The following PARD3B variants were observed in gnomAD, a reference collection of about 807,000 sequenced individuals.
PARD3B encodes the protein partitioning defective 3 homolog B.
In PARD3B, 103 loss-of-function variants were observed where a neutral mutation model predicts 130.2. That is an observed-to-expected ratio of 0.79 (90% CI 0.67 to 0.93). PARD3B has a LOEUF of 0.93. Among genes scored for constraint, PARD3B ranks in the 40% least tolerant of loss-of-function variants. PARD3B has a pLI of 0.00. For synonymous variants in PARD3B, 583 were observed against 553.2 expected (o/e 1.05, Z -0.76); for missense variants, 1,609 against 1,499.2 (o/e 1.07, Z -1.21).
At chr2:204,603,994 G>A (rs1480804497) in intron 1 of PARD3B, among the ~76,000 whole-genome samples, 2 of 152,138 alleles carry the variant, frequency 1.3e-5, no homozygotes, top group Non-Finnish European at 2.9e-5. Context: ...GCACATAGTA[G>A]GTCCTACCTG....
intron 1 of PARD3B, among the ~76,000 whole-genome samples, chr2:204,574,633 C>A (rs1435627997): frequency 6.6e-6 from 1 of 152,216 alleles, no homozygotes; most frequent in East Asian, 1.9e-4. Flanking sequence ...AGGCAACTTA[C>A]AGTCACTGTG....
chr2:204,860,824 A>G (rs1297314375), intron 2 of PARD3B, among the ~76,000 whole-genome samples: 1 of 152,148 alleles, frequency 6.6e-6, no homozygotes, highest in Non-Finnish European at 1.5e-5. Flanking sequence ...TTTGTTTTTG[A>G]TAAGTTAAAA....
intron 4 of PARD3B, among the ~76,000 whole-genome samples, chr2:205,082,461 C>G (rs1397108819): frequency 6.6e-6 from 1 of 152,180 alleles, no homozygotes; most frequent in Non-Finnish European, 1.5e-5. Flanking sequence ...TGCACTTTCT[C>G]TCTCTGTCTC....
chr2:204,955,989 A>G (rs1020772741), intron 2 of PARD3B, among the ~76,000 whole-genome samples: 1 of 152,140 alleles, frequency 6.6e-6, no homozygotes, highest in African/African-American at 2.4e-5. Flanking sequence ...AGCTGGGCCA[A>G]GACCACACCC....
chr2:205,372,615 C>T (rs1482160676), intron 18 of PARD3B, among the ~76,000 whole-genome samples: 2 of 152,248 alleles, frequency 1.3e-5, no homozygotes, highest in South Asian at 4.2e-4. Context: ...AAGTTTCCTT[C>T]CTTTTCTAAT....
intron 22 of PARD3B, among the ~76,000 whole-genome samples, chr2:205,567,750 G>A (rs576953374): frequency 4.0e-5 from 6 of 151,890 alleles, no homozygotes; most frequent in Admixed American, 1.3e-4. Flanking sequence ...CCCCACCCCC[G>A]AGAAGAAGAC....
chr2:204,629,640 C>CT (rs1203025056), intron 1 of PARD3B, among the ~76,000 whole-genome samples: 1 of 152,048 alleles, frequency 6.6e-6, no homozygotes, highest in African/African-American at 2.4e-5. Context: ...AGCAACAACA[C>CT]TTGTATAATG....
intron 2 of PARD3B, among the ~76,000 whole-genome samples, chr2:204,740,455 A>G (rs1292217181): frequency 1.3e-5 from 2 of 152,242 alleles, no homozygotes; most frequent in African/African-American, 4.8e-5. Context: ...CCGCAGTAGT[A>G]TAAAACAAAA....
At chr2:205,189,736 C>T (rs1338988750) in intron 14 of PARD3B, among the ~76,000 whole-genome samples, 1 of 152,174 alleles carries the variant, frequency 6.6e-6, no homozygotes, top group Non-Finnish European at 1.5e-5. Context: ...GGCACTCACT[C>T]ATTATTCTGG....
chr2:205,240,592 A>C (rs920054586), intron 15 of PARD3B, among the ~76,000 whole-genome samples: 13 of 152,216 alleles, frequency 8.5e-5, no homozygotes, highest in African/African-American at 3.1e-4. Context: ...CATTCTAAAA[A>C]AGAATAACTG....
intron 10 of PARD3B, among the ~76,000 whole-genome samples, chr2:205,140,214 C>T (rs1575926005): frequency 1.3e-5 from 2 of 152,292 alleles, no homozygotes; most frequent in Admixed American, 1.3e-4. Context: ...CTGGCTTCCG[C>T]TGGAGCTAAT....
intron 3 of PARD3B, among the ~76,000 whole-genome samples, chr2:204,990,107 G>A (rs867657454): frequency 5.9e-5 from 9 of 151,886 alleles, no homozygotes; most frequent in East Asian, 3.9e-4. Context: ...TTAAATTTTC[G>A]CCAATTTTAT....
chr2:205,556,909 C>T (rs939688267), intron 22 of PARD3B, among the ~76,000 whole-genome samples: 3 of 152,134 alleles, frequency 2.0e-5, no homozygotes, highest in African/African-American at 4.8e-5. Context: ...GCCAGCCGCT[C>T]GCAATTCTCC....
chr2:204,868,871 A>G (rs775405307), intron 2 of PARD3B, among the ~76,000 whole-genome samples: 13 of 152,252 alleles, frequency 8.5e-5, no homozygotes, highest in Non-Finnish European at 1.8e-4. Context: ...TGCAATGGCA[A>G]TTAGGTAGAA....
chr2:205,171,790 C>T (rs867873539), intron 11 of PARD3B, among the ~76,000 whole-genome samples: 79 of 152,238 alleles, frequency 5.2e-4, no homozygotes, highest in African/African-American at 1.9e-3. Flanking sequence ...ATGCATGATG[C>T]CTCTTTGTGC....
At chr2:205,028,324 C>T (rs147975493) in intron 3 of PARD3B, among the ~76,000 whole-genome samples, 14 of 152,218 alleles carry the variant, frequency 9.2e-5, no homozygotes, top group African/African-American at 3.4e-4. Context: ...ATATGGTTCT[C>T]TCAACATGTG....
intron 10 of PARD3B, among the ~76,000 whole-genome samples, chr2:205,129,082 A>C (rs1023745853): frequency 6.6e-6 from 1 of 152,216 alleles, no homozygotes; most frequent in African/African-American, 2.4e-5. Context: ...TGGAGGGTAT[A>C]TGCTTAGTAT....
chr2:205,218,717 C>T (rs944919820), intron 15 of PARD3B, among the ~76,000 whole-genome samples: 7 of 152,056 alleles, frequency 4.6e-5, no homozygotes, highest in African/African-American at 1.7e-4. Context: ...TTACCTTTTC[C>T]CTCCCTTTAT....
At chr2:204,935,993 G>C (rs548176654) in intron 2 of PARD3B, among the ~76,000 whole-genome samples, 1 of 152,196 alleles carries the variant, frequency 6.6e-6, no homozygotes, top group East Asian at 1.9e-4. Flanking sequence ...TTCTGGGAAG[G>C]CCCTAAGTGT....
Sources: allele counts gnomAD v4.1 joint callset (sites outside exome capture counted in the v4.1 genomes callset), GRCh38; gene constraint gnomAD v4.1.1; transcripts MANE v1.5; gene names NCBI Gene and HGNC (gene_info 2026-07-23, HGNC 2026-07-21).